The following HHIP variants were observed in gnomAD, a reference collection of about 807,000 sequenced individuals.
HHIP encodes hedgehog-interacting protein.
A neutral mutation model predicts 74.0 loss-of-function variants in HHIP; 12 were observed. The observed-to-expected ratio is 0.16, with a 90% CI of 0.10 to 0.26. The LOEUF is 0.26. Among genes scored for constraint, HHIP ranks in the 10% least tolerant of loss-of-function variants. The probability of loss-of-function intolerance (pLI) is 1.00; values close to 1 mark genes in which losing one functional copy is unlikely to be tolerated. For missense variants in HHIP, 788 were observed against 845.0 expected (o/e 0.93, Z 0.84); for synonymous variants, 309 against 311.6 (o/e 0.99, Z 0.09).
rs1486682590 is a variant in HHIP, at chr4:144,708,309, C to A, written c.1299C>A (p.Gly433=). 3 of 1,614,010 alleles carry A rather than the reference C, an allele frequency of 1.9e-6. No homozygotes were observed. The highest frequency in any genetic ancestry group is 1.3e-5 in the African/African-American group (1 of 75,026). Residue 433 remains glycine, a splice_region_variant and synonymous_variant, in exon 7 of 13, where the codon GGC becomes GGA. Coordinates refer to ENST00000296575, the MANE Select transcript of HHIP (RefSeq NM_022475.3). ...TTGCTCATGGGCTCCACGATCCAGG[C>A]AGGTGAGAACACAAGTCTGTCTTCT... The part of the protein sequence containing the change: ...EVFAHGLHDP[G]RCAVDRHPTD...
At chr4:144,721,893 ACT>A (rs993777613) in intron 11 of HHIP, among the ~76,000 whole-genome samples, 4 of 148,826 alleles carry the variant, frequency 2.7e-5, no homozygotes, top group South Asian at 4.3e-4. Context: ...ACAGAGCAAG[ACT>A]CTGTCTCAAA....
At chr4:144,685,813 G>A (rs898048815) in intron 4 of HHIP, 1 of 152,194 alleles carries the variant, frequency 6.6e-6, no homozygotes, top group Non-Finnish European at 1.5e-5. Flanking sequence ...AATCAGGCAT[G>A]CATTGATCTT....
chr4:144,721,058 C>T (rs938655097), intron 11 of HHIP, among the ~76,000 whole-genome samples: 3 of 152,000 alleles, frequency 2.0e-5, no homozygotes, highest in African/African-American at 7.2e-5. Context: ...TTTTGTTATA[C>T]CAAAAATCAA....
At chr4:144,656,918 A>G (rs544812774) in intron 2 of HHIP, among the ~76,000 whole-genome samples, 1 of 151,952 alleles carries the variant, frequency 6.6e-6, no homozygotes, top group Non-Finnish European at 1.5e-5. Context: ...ATTTTTTTTC[A>G]AAGAAAAATA....
chr4:144,707,722 G>T (rs1002582407), intron 6 of HHIP, among the ~76,000 whole-genome samples: 6 of 144,892 alleles, frequency 4.1e-5, no homozygotes. Flanking sequence ...TCAGTTGCTT[G>T]TCTGGAACGG....
At chr4:144,693,732 C>T (rs1729739260) in intron 4 of HHIP, among the ~76,000 whole-genome samples, 1 of 151,846 alleles carries the variant, frequency 6.6e-6, no homozygotes, top group African/African-American at 2.4e-5. Context: ...TTTATTCTAT[C>T]TGAATGGAGT....
intron 4 of HHIP, among the ~76,000 whole-genome samples, chr4:144,684,002 G>T (rs1236665371): frequency 3.3e-5 from 5 of 151,146 alleles, no homozygotes; most frequent in African/African-American, 1.2e-4. Flanking sequence ...GGCAGAGGTT[G>T]CAGTGAGCTG....
intron 4 of HHIP, among the ~76,000 whole-genome samples, chr4:144,689,202 A>C (rs1299929581): frequency 6.6e-6 from 1 of 152,218 alleles, no homozygotes; most frequent in Non-Finnish European, 1.5e-5. Flanking sequence ...TCTTTATAAC[A>C]AACAGGAAAT....
intron 4 of HHIP, among the ~76,000 whole-genome samples, chr4:144,683,883 C>G (rs1729410713): frequency 6.6e-6 from 1 of 151,870 alleles, no homozygotes; most frequent in African/African-American, 2.4e-5. Flanking sequence ...ATTAGTGATT[C>G]TGAGCACACT....
chr4:144,652,091 T>C (rs1480298848), intron 1 of HHIP, among the ~76,000 whole-genome samples: 2 of 152,112 alleles, frequency 1.3e-5, no homozygotes, highest in African/African-American at 4.8e-5. Flanking sequence ...AGTCTGCAGA[T>C]TGAAAACTAA....
chr4:144,657,515 T>G (rs17720753), intron 2 of HHIP, among the ~76,000 whole-genome samples: 1 of 151,998 alleles, frequency 6.6e-6, no homozygotes, highest in Admixed American at 6.6e-5. Flanking sequence ...ACTCTGGTAA[T>G]ACCGTCATAT....
intron 2 of HHIP, among the ~76,000 whole-genome samples, chr4:144,655,580 A>C (rs1728538053): frequency 6.6e-6 from 1 of 152,178 alleles, no homozygotes; most frequent in South Asian, 2.1e-4. Flanking sequence ...GGTTTGATTC[A>C]ACTGAATTTT....
chr4:144,658,986 C>T, intron 3 of HHIP, 40 bp downstream of exon 3: 1 of 1,519,262 alleles, frequency 6.6e-7, no homozygotes, highest in Non-Finnish European at 9.0e-7. Flanking sequence ...TTTAAAAAAA[C>T]CCAACTGACA....
intron 4 of HHIP, among the ~76,000 whole-genome samples, chr4:144,681,478 TGCAGTG>T (rs1729341451): frequency 7.0e-6 from 1 of 143,748 alleles, no homozygotes; most frequent in Admixed American, 7.4e-5. Context: ...CAGGTTGGAG[TGCAGTG>T]GCGTAATCTC....
At chr4:144,671,976 T>C (rs1300641567) in intron 4 of HHIP, among the ~76,000 whole-genome samples, 1 of 151,992 alleles carries the variant, frequency 6.6e-6, no homozygotes, top group Non-Finnish European at 1.5e-5. Flanking sequence ...ACTTCAAGAC[T>C]CCATCACAAA....
At position 144,706,662 on chromosome 4, in the gene HHIP, T is replaced by C. The variant is rs759663477; in HGVS notation, c.963T>C (p.Val321=). ...GGCCTCATGACCACATTCTTAGGGTTGTGGAATACACAGTATCCAGGTATC... is the reference window on the plus strand; with the variant it reads ...GGCCTCATGACCACATTCTTAGGGTCGTGGAATACACAGTATCCAGGTATC... The part of the protein sequence containing the change: ...AIGPHDHILR[V]VEYTVSRKNP... Residue 321 remains valine (V), a synonymous_variant, in exon 5 of 13, where the codon GTT becomes GTC. Transcript: ENST00000296575. 1 of 1,613,248 alleles carries C rather than the reference T, an allele frequency of 6.2e-7. No homozygotes were observed. Among genetic ancestry groups the C allele is most frequent in the Non-Finnish European group, 8.5e-7 (1 of 1,179,720 alleles).
chr4:144,658,822 T>C lies in HHIP; in HGVS notation c.505T>C (p.Phe169Leu), dbSNP rs1453034098. 8 of 1,613,580 alleles carry C rather than the reference T, an allele frequency of 5.0e-6. No homozygotes were observed. The East Asian group carries it at 1.8e-4, about 36-fold the overall frequency. Residue 169 changes from phenylalanine to leucine, a missense_variant, in exon 3 of 13, where the codon TTT (phenylalanine) becomes CTT (leucine). By Grantham distance (22) the Phe-to-Leu change is conservative (BLOSUM62 0). Coordinates refer to ENST00000296575, the MANE Select transcript of HHIP (RefSeq NM_022475.3). ...TCAAACAACTGCGGATGAGTTTTGC[T>C]TTTACTATGCAAGAAAAGATGGTGG... ...FLQTTADEFCFYYARKDGGLC... is the reference protein window; with the variant it reads ...FLQTTADEFCLYYARKDGGLC...
intron 5 of HHIP, 121 bp from the exon 6 acceptor site, chr4:144,706,966 T>C: frequency 4.9e-6 from 4 of 810,362 alleles, no homozygotes; most frequent in Admixed American, 5.5e-5. Context: ...ATTTCAAATA[T>C]ATGTTTCCTT....
chr4:144,708,707 G>T (rs755542218), intron 7 of HHIP, among the ~76,000 whole-genome samples: 3 of 152,090 alleles, frequency 2.0e-5, no homozygotes, highest in Admixed American at 1.3e-4. Flanking sequence ...ATTACATGGC[G>T]GTGATAATAA....
Sources: allele counts gnomAD v4.1 joint callset (sites outside exome capture counted in the v4.1 genomes callset), GRCh38; gene constraint gnomAD v4.1.1; transcripts MANE v1.5; gene names NCBI Gene and HGNC (gene_info 2026-07-23, HGNC 2026-07-21).